The following COPG2 variants were observed in gnomAD, a reference collection of about 807,000 sequenced individuals.
COPG2 encodes the protein coatomer subunit gamma-2.
COPG2 carries 37 observed loss-of-function variants against 46.3 expected under a neutral mutation model. That is an observed-to-expected ratio of 0.80 (90% confidence interval 0.61 to 1.05). The LOEUF (loss-of-function observed/expected upper bound fraction) is 1.05. Among genes scored for constraint, COPG2 ranks in the 50% least tolerant of loss-of-function variants. The pLI is 0.00. For missense variants in COPG2, 427 were observed against 387.8 expected (o/e 1.10, Z -0.85); for synonymous variants, 159 against 129.7 (o/e 1.23, Z -1.53).
chr7:130,658,478 T>C (rs1444066908), intron 4 of COPG2, among the ~76,000 whole-genome samples: 1 of 152,144 alleles, frequency 6.6e-6, no homozygotes, highest in African/African-American at 2.4e-5. Context: ...AACACCACTA[T>C]ATGTGTTTGT....
In COPG2 at chr7:130,572,812, G is replaced by T. The variant is rs782461817; in HGVS notation, c.738-8419C>A. ...CTTCCACATGAAGAAATTAGGAAGA[G>T]TAAGCCTGCAGCAAGCAGAAGAAAG... On this transcript the variant is annotated intron_variant, in intron 9 of 23. Transcript: ENST00000425248. Among the ~76,000 whole-genome samples, 18 of 151,824 alleles carry T rather than the reference G, an allele frequency of 1.2e-4. 1 individual carries two copies. The highest frequency in any genetic ancestry group is 7.9e-4 in the Admixed American group (12 of 15,214).
rs1408550720 is a variant in COPG2, at chr7:130,563,253, G to A, written c.939+16C>T. The A allele has an allele frequency of 2.5e-6, 1 of 397,944 alleles. No individual in the cohort carries two copies. The highest frequency in any genetic ancestry group is 4.4e-6 in the Non-Finnish European group (1 of 225,764). 24.7% of individuals were successfully genotyped at this position (397,944 alleles called of 1,614,324 possible). On this transcript the variant is annotated intron_variant, in intron 11 of 23. Coordinates refer to ENST00000425248, the MANE Select transcript of COPG2 (RefSeq NM_012133.6). ...AAATACTGATATAAGTCAATAATTA[G>A]CAAAGAAACACCTACCTTGTTCAAG...
At chr7:130,637,765 T>C (rs1360853113) in intron 5 of COPG2, among the ~76,000 whole-genome samples, 1 of 152,148 alleles carries the variant, frequency 6.6e-6, no homozygotes, top group South Asian at 2.1e-4. Flanking sequence ...TTTGTTCCCT[T>C]GTTGGCAAGG....
intron 9 of COPG2, among the ~76,000 whole-genome samples, chr7:130,576,866 A>G (rs1366301705): frequency 1.3e-5 from 2 of 152,232 alleles, no homozygotes; most frequent in Non-Finnish European, 2.9e-5. Context: ...TTGATAGACC[A>G]TTAGCAAGAT....
At chr7:130,561,865 C>T (rs924314312) in intron 11 of COPG2, among the ~76,000 whole-genome samples, 2,429 of 152,242 alleles carry the variant, frequency 0.016, 63 homozygotes, top group African/African-American at 0.056. Context: ...TTAATTTATA[C>T]CACTTGACAA....
At chr7:130,533,656 T>A (rs1799850458) in intron 20 of COPG2, among the ~76,000 whole-genome samples, 1 of 152,012 alleles carries the variant, frequency 6.6e-6, no homozygotes, top group African/African-American at 2.4e-5. Context: ...GAATACAGCA[T>A]GTTAGGGACA....
At chr7:130,615,117 G>A (rs1303936364) in intron 6 of COPG2, among the ~76,000 whole-genome samples, 15 of 152,172 alleles carry the variant, frequency 9.9e-5, no homozygotes, top group African/African-American at 3.4e-4. Flanking sequence ...TCATGGATAC[G>A]GTCCTTGGCT....
intron 5 of COPG2, chr7:130,645,339 T>C: frequency 1.8e-6 from 1 of 570,284 alleles, no homozygotes; most frequent in Non-Finnish European, 3.5e-6. Context: ...CACAGTTGCC[T>C]TCTACTACAT....
At chr7:130,629,939 CAG>C (rs1279012793) in intron 5 of COPG2, among the ~76,000 whole-genome samples, 1 of 148,294 alleles carries the variant, frequency 6.7e-6, no homozygotes, top group Non-Finnish European at 1.5e-5. Context: ...TTTTTTCAGA[CAG>C]AGTTTCGCTC....
At chr7:130,611,449 G>A (rs1794848212) in intron 8 of COPG2, among the ~76,000 whole-genome samples, 2 of 152,092 alleles carry the variant, frequency 1.3e-5, no homozygotes, top group Admixed American at 6.6e-5. Context: ...TCTACGAGTG[G>A]CTTTACATCA....
At chr7:130,646,395 A>C (rs1319334084) in intron 5 of COPG2, among the ~76,000 whole-genome samples, 7 of 152,170 alleles carry the variant, frequency 4.6e-5, no homozygotes, top group Non-Finnish European at 1.0e-4. Flanking sequence ...TAACACATCG[A>C]TAATTTCACC....
chr7:130,586,746 G>C (rs1220551245), intron 9 of COPG2, among the ~76,000 whole-genome samples: 3 of 151,928 alleles, frequency 2.0e-5, no homozygotes, highest in Non-Finnish European at 4.4e-5. Flanking sequence ...ACAGGCGTGA[G>C]CCACCGTGCC....
chr7:130,641,387 A>T (rs782661346), intron 5 of COPG2, among the ~76,000 whole-genome samples: 24 of 152,132 alleles, frequency 1.6e-4, no homozygotes, highest in Non-Finnish European at 3.5e-4. Context: ...CACTGATATG[A>T]ACCCTAGGGA....
At chr7:130,515,166 C>G (rs1306890084) in intron 20 of COPG2, among the ~76,000 whole-genome samples, 1 of 152,132 alleles carries the variant, frequency 6.6e-6, no homozygotes, top group Non-Finnish European at 1.5e-5. Context: ...TCTCACATTG[C>G]TATAAAGAAA....
intron 5 of COPG2, among the ~76,000 whole-genome samples, chr7:130,629,990 T>C (rs1315377174): frequency 2.0e-5 from 3 of 151,718 alleles, no homozygotes; most frequent in Middle Eastern, 3.4e-3. Context: ...CAATCTCGGC[T>C]CACTGCAACC....
chr7:130,612,407 G>A (rs1375432678), intron 7 of COPG2, among the ~76,000 whole-genome samples, 169 bp from the exon 8 acceptor site: 1 of 152,214 alleles, frequency 6.6e-6, no homozygotes, highest in African/African-American at 2.4e-5. Flanking sequence ...TGATAAACCA[G>A]AAGTATTTTC....
intron 5 of COPG2, among the ~76,000 whole-genome samples, chr7:130,625,131 T>C (rs571445459): frequency 1.1e-4 from 17 of 152,362 alleles, no homozygotes; most frequent in African/African-American, 3.8e-4. Flanking sequence ...TGGTATCTCA[T>C]TGTGGTTTTA....
intron 5 of COPG2, among the ~76,000 whole-genome samples, chr7:130,650,581 T>A (rs1313388088): frequency 6.6e-6 from 1 of 152,218 alleles, no homozygotes; most frequent in Non-Finnish European, 1.5e-5. Context: ...TAGACACCAT[T>A]AGTTAACTAA....
intron 3 of COPG2, among the ~76,000 whole-genome samples, chr7:130,665,010 G>A (rs10237759): frequency 0.15 from 22,070 of 151,978 alleles, 2,942 homozygotes; most frequent in African/African-American, 0.36. Flanking sequence ...GTGAAACCCC[G>A]TCTCTACTAA....
Sources: gnomAD v4.1 joint callset for allele counts (sites outside exome capture counted in the v4.1 genomes callset) on GRCh38, gnomAD v4.1.1 for gene constraint, MANE v1.5 for transcripts, NCBI Gene and HGNC (gene_info 2026-07-23, HGNC 2026-07-21) for gene names.